Variants in BRME1 observed in about 807,000 individuals in gnomAD.
BRME1 encodes BRCA2 and MEILB2-associating protein 1.
BRME1 carries 31 observed loss-of-function variants against 52.6 expected under a neutral mutation model. The ratio of observed to expected loss-of-function variants is 0.59; its 90% CI spans 0.44 to 0.80. BRME1 has a LOEUF of 0.80. Ranked by LOEUF, BRME1 falls within the 30% of genes least tolerant of loss-of-function variation. BRME1 has a pLI of 0.00. For synonymous variants in BRME1, 359 were observed against 353.6 expected, an observed-to-expected ratio of 1.02 and a Z score of -0.17; for missense variants, 804 against 860.3, an observed-to-expected ratio of 0.93 and a Z score of 0.82.
At chr19:13,884,469 A>T (rs543571959) in intron 7 of BRME1, among the ~76,000 whole-genome samples, 4 of 151,874 alleles carry the variant, frequency 2.6e-5, no homozygotes, top group African/African-American at 9.7e-5. Context: ...CTAAAAAAAA[A>T]TATACAAAAT....
chr19:13,889,151 C>G, intron 6 of BRME1, 37 bp downstream of exon 6: 1 of 1,519,114 alleles, frequency 6.6e-7, no homozygotes, highest in East Asian at 2.3e-5. Flanking sequence ...GGTGCCTGCC[C>G]TGGGCAGGTA....
intron 2 of BRME1, among the ~76,000 whole-genome samples, chr19:13,902,879 C>A (rs1318769501): frequency 2.0e-5 from 3 of 150,500 alleles, no homozygotes. Flanking sequence ...AAGCCGAGAT[C>A]GCGCCACTGC....
rs200387098 is a variant in BRME1, at chr19:13,890,468, G to A, written c.394-6C>T. ...CTGGACTCTGCGATTGTTTCCTGTG[G>A]ACAGAAAAAGACTCAGCCCCGGGGC... On this transcript the variant is annotated splice_polypyrimidine_tract_variant and splice_region_variant and intron_variant, in intron 5 of 8. Transcript: ENST00000586783. The A allele has an allele frequency of 8.6e-4, 1,272 of 1,479,614 alleles. 3 individuals carry two copies. The highest frequency in any genetic ancestry group is 1.3e-3 in the South Asian group (91 of 69,720). 91.7% of individuals were successfully genotyped at this position (1,479,614 alleles called of 1,614,324 possible). A position where few individuals can be genotyped will look rare whatever the true frequency, so the allele number is the denominator to read the frequency against.
chr19:13,904,387 G>A (rs975742865), intron 2 of BRME1, among the ~76,000 whole-genome samples: 13 of 152,046 alleles, frequency 8.6e-5, no homozygotes, highest in African/African-American at 2.7e-4. Context: ...GATTACAGGC[G>A]TGAGCCACCA....
In BRME1 at chr19:13,890,052, C is replaced by T; in HGVS notation, c.804G>A (p.Gly268=). The part of the protein sequence containing the change: ...QRTAGAGLPG[G]PQEEGDGVPC... ...GGACACCGTCTCCCTCCTCCTGGGG[C>T]CCTCCAGGCAGGCCAGCCCCTGCTG... The change falls in exon 6 of 9, where the codon GGG becomes GGA. Residue 268 remains glycine (G), a synonymous_variant. Coordinates refer to ENST00000586783, the MANE Select transcript of BRME1 (RefSeq NM_001345843.2). 1 of 1,613,502 alleles carries T rather than the reference C, an allele frequency of 6.2e-7. No homozygotes were observed. Among genetic ancestry groups the T allele is most frequent in the Non-Finnish European group, 8.5e-7 (1 of 1,179,788 alleles).
In BRME1 at chr19:13,886,020, C is replaced by G; in HGVS notation, c.1704G>C (p.Trp568Cys). The change falls in exon 7 of 9, where the codon TGG becomes TGC. Residue 568 changes from tryptophan (W) to cysteine (C), a missense_variant. This residue lies in a region of BRME1 where 552 missense variants were observed against 561.1 expected (regional missense o/e 0.98). Coordinates refer to ENST00000586783, the MANE Select transcript of BRME1 (RefSeq NM_001345843.2). ...CATTGGCATGTGAGCTGGGGCCCGG[C>G]CAGCAAGGGCCCGGCTTGTTCCCCG... Reference protein sequence around the residue: ...FPSGNKPGPCWPGPSSHANGD... With the variant: ...FPSGNKPGPCCPGPSSHANGD... The G allele has an allele frequency of 4.3e-6, 7 of 1,614,024 alleles. No individual in the cohort carries two copies. Among genetic ancestry groups the G allele is most frequent in the Non-Finnish European group, 5.9e-6 (7 of 1,180,018 alleles).
Position 13,891,135 on chromosome 19 carries a change from T to TTTTTTTTTATTATTATTATTA in BRME1, c.394-674_394-673insTAATAATAATAATAAAAAAAA, listed in dbSNP as rs59151567. ...AGACCACACCAATGTCAATTTCCTG[T>TTTTTTTTTATTATTATTATTA]TTATTATTATTATTATTATTATTAT... is the stretch of plus-strand genomic sequence containing the variant. On this transcript the variant is annotated intron_variant, in intron 5 of 8. Transcript: ENST00000586783. Among the ~76,000 whole-genome samples, 133 of 146,666 alleles carry TTTTTTTTTATTATTATTATTA rather than the reference T, an allele frequency of 9.1e-4. 1 individual carries two copies. Among genetic ancestry groups the TTTTTTTTTATTATTATTATTA allele is most frequent in the African/African-American group, 3.2e-3 (123 of 38,826 alleles).
In BRME1 at chr19:13,888,827, C is replaced by A. The variant is rs938612116; in HGVS notation, c.1668+361G>T. Among the ~76,000 whole-genome samples, 6 of 152,116 alleles carry A rather than the reference C, an allele frequency of 3.9e-5. No homozygotes were observed. The highest frequency in any genetic ancestry group is 1.4e-4 in the African/African-American group (6 of 41,414). ...CCCAGCTTCTCTCCATCTGTGTCTA[C>A]CCGCCTCAATACATCCCCTGGGACC... is the stretch of plus-strand genomic sequence containing the variant. On this transcript the variant is annotated intron_variant, in intron 6 of 8. Transcript: ENST00000586783. This position sits in a 1 kb window ranked among gnomAD's most constrained non-coding sequence, Gnocchi z 4.1.
At position 13,893,182 on chromosome 19, in the gene BRME1, C is replaced by A; in HGVS notation, c.248G>T (p.Arg83Leu). 5 of 1,591,424 alleles carry A rather than the reference C, an allele frequency of 3.1e-6. No homozygotes were observed. Among genetic ancestry groups the A allele is most frequent in the Non-Finnish European group, 4.3e-6 (5 of 1,171,126 alleles). ...GGGAGCTGGCTCCTTTTCTGGTTGA[C>A]GGAGGAGCCGGCAGGGAGATCCTGT... The part of the protein sequence containing the change: ...EETGSPCRLL[R>L]QPEKEPAPLP... The change falls in exon 4 of 9, where the codon CGT (arginine) becomes CTT (leucine). Residue 83 changes from arginine (R) to leucine (L), a missense_variant. Arg to Leu is a moderately radical substitution (Grantham distance 102). Transcript: ENST00000586783.
intron 3 of BRME1, 115 bp from the exon 4 acceptor site, chr19:13,893,338 G>T: frequency 1.3e-6 from 1 of 789,948 alleles, no homozygotes; most frequent in Non-Finnish European, 2.1e-6. Flanking sequence ...AGGAGTTCGA[G>T]ACCAACCTGG....
At chr19:13,902,096 A>G (rs1307522507) in intron 2 of BRME1, among the ~76,000 whole-genome samples, 1 of 151,788 alleles carries the variant, frequency 6.6e-6, no homozygotes, top group Non-Finnish European at 1.5e-5. Flanking sequence ...TAATCCCAGC[A>G]CTTTGGCTGA....
chr19:13,903,878 G>A (rs1970463428), intron 2 of BRME1, among the ~76,000 whole-genome samples: 1 of 151,872 alleles, frequency 6.6e-6, no homozygotes, highest in Non-Finnish European at 1.5e-5. Context: ...CCAGGTTTTG[G>A]GCCCCAGAGT....
chr19:13,885,792 G>A (rs766939549), intron 7 of BRME1, among the ~76,000 whole-genome samples, 169 bp downstream of exon 7: 1 of 152,220 alleles, frequency 6.6e-6, no homozygotes, highest in Admixed American at 6.5e-5. Flanking sequence ...TCTGCTTTCG[G>A]GGAGCAGGGG....
intron 1 of BRME1, 121 bp downstream of exon 1, chr19:13,905,594 C>A (rs1341988973): frequency 6.6e-6 from 1 of 151,804 alleles, no homozygotes. Context: ...GGCCAGGAGG[C>A]AGAGGTTGCA....
intron 2 of BRME1, among the ~76,000 whole-genome samples, chr19:13,901,896 C>T (rs577631386): frequency 4.0e-5 from 6 of 151,438 alleles, no homozygotes; most frequent in Admixed American, 2.0e-4. Context: ...AAAAATTAGC[C>T]AGTCATGGTG....
intron 6 of BRME1, among the ~76,000 whole-genome samples, chr19:13,886,895 G>A (rs922617147): frequency 3.3e-5 from 5 of 152,240 alleles, no homozygotes; most frequent in Middle Eastern, 6.8e-3. Flanking sequence ...TTGAGCCCGG[G>A]AGGTTGAGGC....
chr19:13,887,374 G>A (rs1474385798), intron 6 of BRME1, among the ~76,000 whole-genome samples: 2 of 152,190 alleles, frequency 1.3e-5, no homozygotes, highest in African/African-American at 4.8e-5. Flanking sequence ...CTGTCAGGGC[G>A]GTGCCTCCTC....
chr19:13,891,543 C>T (rs1423621870), intron 5 of BRME1, among the ~76,000 whole-genome samples: 1 of 151,992 alleles, frequency 6.6e-6, no homozygotes, highest in Non-Finnish European at 1.5e-5. Flanking sequence ...TCACGGCTCA[C>T]TGTAGTTTTG....
chr19:13,898,144 G>A (rs889758322), intron 2 of BRME1, among the ~76,000 whole-genome samples: 2 of 151,958 alleles, frequency 1.3e-5, no homozygotes, highest in Non-Finnish European at 2.9e-5. Flanking sequence ...GGAAAGATGC[G>A]AGAATTGACA....
Sources: gnomAD v4.1 joint callset for allele counts (sites outside exome capture counted in the v4.1 genomes callset) on GRCh38, gnomAD v4.1.1 for gene constraint, gnomAD v4.1.1 regional missense constraint, Gnocchi (gnomAD v3.1) non-coding constraint, MANE v1.5 for transcripts, NCBI Gene and HGNC (gene_info 2026-07-23, HGNC 2026-07-21) for gene names.